The following A4GNT variants were observed in gnomAD, a reference collection of about 807,000 sequenced individuals.
A4GNT encodes the protein alpha-1,4-N-acetylglucosaminyltransferase.
A4GNT carries 6 observed loss-of-function variants against 8.3 expected under a neutral mutation model. The ratio of observed to expected loss-of-function variants is 0.72; its 90% CI spans 0.39 to 1.42. The LOEUF (loss-of-function observed/expected upper bound fraction) is 1.42, where lower values mean the gene tolerates loss of function less well. Ranked by LOEUF, A4GNT falls within the 40% of genes most tolerant of loss-of-function variation. The pLI is 0.02. For synonymous variants in A4GNT, 157 were observed against 159.8 expected, an observed-to-expected ratio of 0.98 and a Z score of 0.13; for missense variants, 377 against 417.0, an observed-to-expected ratio of 0.90 and a Z score of 0.84.
At chr3:138,132,922 G>T (rs953235466), upstream of A4GNT, among the ~76,000 whole-genome samples, 1 of 152,302 alleles carries the variant, frequency 6.6e-6, no homozygotes, top group Middle Eastern at 3.4e-3. Context: ...CCCCCTTATG[G>T]GGTATAAGCC....
intron 2 of A4GNT, among the ~76,000 whole-genome samples, chr3:138,129,488 G>C (rs1262489817): frequency 1.3e-5 from 2 of 152,184 alleles, no homozygotes; most frequent in Non-Finnish European, 2.9e-5. Flanking sequence ...AACTCAGGAG[G>C]AAATGCAGCC....
rs1157513275 is a variant in A4GNT, at chr3:138,132,263, A to G, written c.-78T>C. On this transcript the variant is annotated 5_prime_UTR_variant, in exon 1 of 3. Coordinates refer to ENST00000236709, the MANE Select transcript of A4GNT (RefSeq NM_016161.3). ...TTAGCTCTAACCAAGGAGAACACAG[A>G]TCTCACGTCTTGGCAGGTCTATCTT... The G allele has an allele frequency of 1.3e-5, 2 of 152,240 alleles. No individual in the cohort carries two copies. The highest frequency in any genetic ancestry group is 6.5e-5 in the Admixed American group (1 of 15,286). 9.4% of individuals were successfully genotyped at this position (152,240 alleles called of 1,614,324 possible).
intron 2 of A4GNT, among the ~76,000 whole-genome samples, chr3:138,127,873 A>G (rs1210181067): frequency 6.6e-6 from 1 of 152,208 alleles, no homozygotes; most frequent in Non-Finnish European, 1.5e-5. Context: ...TATGATCCCT[A>G]TAGATGTACA....
intron 2 of A4GNT, among the ~76,000 whole-genome samples, chr3:138,126,736 G>A (rs2042746734): frequency 6.6e-6 from 1 of 150,942 alleles, no homozygotes; most frequent in South Asian, 2.1e-4. Context: ...TGAGACAGGA[G>A]AATCATTTGA....
chr3:138,127,202 A>G (rs1399703462), intron 2 of A4GNT, among the ~76,000 whole-genome samples: 3 of 152,022 alleles, frequency 2.0e-5, no homozygotes, highest in African/African-American at 7.3e-5. Flanking sequence ...ACATTTATCA[A>G]TAATTGTTCT....
At chr3:138,128,548 C>G (rs1386482038) in intron 2 of A4GNT, among the ~76,000 whole-genome samples, 1 of 152,098 alleles carries the variant, frequency 6.6e-6, no homozygotes, top group Non-Finnish European at 1.5e-5. Context: ...GAGGACAGCA[C>G]CAAGTCGTGA....
chr3:138,130,419 C>T (rs73867016), intron 2 of A4GNT, among the ~76,000 whole-genome samples: 1,523 of 152,172 alleles, frequency 0.01, 26 homozygotes, highest in African/African-American at 0.034. Context: ...ACAACCCAAT[C>T]TCATATCGCA....
intron 2 of A4GNT, among the ~76,000 whole-genome samples, chr3:138,125,341 T>C (rs1016663803): frequency 9.2e-5 from 14 of 152,182 alleles, no homozygotes; most frequent in Middle Eastern, 3.4e-3. Context: ...GATAAAAAAA[T>C]CTTAAAATGC....
chr3:138,129,587 G>A (rs902854362), intron 2 of A4GNT, among the ~76,000 whole-genome samples: 1 of 152,148 alleles, frequency 6.6e-6, no homozygotes, highest in African/African-American at 2.4e-5. Flanking sequence ...GTTGTTTTAT[G>A]CCACCAGGTT....
In A4GNT at chr3:138,132,202, G is replaced by T. The variant is rs2042782353; in HGVS notation, c.-27+10C>A. ...CACCTGCCACCAAAGTCCAGGCTCT[G>T]AACCGTTACCTGCAGTGCTTTCCTC... On this transcript the variant is annotated intron_variant, in intron 1 of 2. Coordinates refer to ENST00000236709, the MANE Select transcript of A4GNT (RefSeq NM_016161.3). The T allele has an allele frequency of 6.6e-6, 1 of 152,188 alleles. No homozygotes were observed. Among genetic ancestry groups the T allele is most frequent in the Non-Finnish European group, 1.5e-5 (1 of 68,040 alleles). The allele number at this position is 152,188 out of a possible 1,614,324, so 9.4% of individuals were successfully genotyped here.
At chr3:138,126,092 G>A (rs2042743380) in intron 2 of A4GNT, among the ~76,000 whole-genome samples, 1 of 152,162 alleles carries the variant, frequency 6.6e-6, no homozygotes, top group African/African-American at 2.4e-5. Context: ...AGATGGCAAG[G>A]GCAGAAGCAA....
At position 138,124,735 on chromosome 3, in the gene A4GNT, C is replaced by T. The variant is rs148195589; in HGVS notation, c.552G>A (p.Ala184=). ...RPIPEENFLA[A]QASRYSSNGI... ...CATTACTAGAGTACCGAGAAGCCTGCGCAGCCAAAAAGTTCTCCTCAGGGA... is the reference window on the plus strand; with the variant it reads ...CATTACTAGAGTACCGAGAAGCCTGTGCAGCCAAAAAGTTCTCCTCAGGGA... Residue 184 remains alanine, a synonymous_variant, in exon 3 of 3, where the codon GCG becomes GCA. Coordinates refer to ENST00000236709, the MANE Select transcript of A4GNT (RefSeq NM_016161.3). 17 of 1,614,168 alleles carry T rather than the reference C, an allele frequency of 1.1e-5. No homozygotes were observed. Among genetic ancestry groups the T allele is most frequent in the Admixed American group, 3.3e-5 (2 of 60,028 alleles).
At position 138,124,534 on chromosome 3, in the gene A4GNT, G is replaced by A. The variant is rs1045110452; in HGVS notation, c.753C>T (p.Asn251=). The A allele has an allele frequency of 1.2e-5, 20 of 1,614,120 alleles. No individual in the cohort carries two copies. The highest frequency in any genetic ancestry group is 1.7e-5 in the Non-Finnish European group (20 of 1,180,054). The change falls in exon 3 of 3, where the codon AAC becomes AAT. Residue 251 remains asparagine, a synonymous_variant. Transcript: ENST00000236709. ...FQEVSDLRCL[N]ISFLHPQRFY... is the part of the protein sequence containing the mutation. ...ATCTTTGGGGGTGTAAGAAGGATAT[G>A]TTCAGACACCTGAGGTCGCTCACCT...
At chr3:138,132,516 A>T (rs536829203), upstream of A4GNT, 1 of 152,268 alleles carries the variant, frequency 6.6e-6, no homozygotes, top group South Asian at 2.1e-4. Context: ...TCCTCCCTTT[A>T]CTAAGTTCTC....
chr3:138,131,073 C>G lies in A4GNT; in HGVS notation c.184G>C (p.Glu62Gln), dbSNP rs548352375. 1 of 1,613,702 alleles carries G rather than the reference C, an allele frequency of 6.2e-7. No homozygotes were observed. Among genetic ancestry groups the G allele is most frequent in the South Asian group, 1.1e-5 (1 of 91,062 alleles). Residue 62 changes from glutamate (E) to glutamine (Q), a missense_variant, in exon 2 of 3, where the codon GAG (glutamate) becomes CAG (glutamine). Physicochemically the swap from Glu to Gln is conservative, Grantham distance 29. Coordinates refer to ENST00000236709, the MANE Select transcript of A4GNT (RefSeq NM_016161.3). Reference protein sequence around the residue: ...IVFLETSERMEPPHLVSCSVE... With the variant: ...IVFLETSERMQPPHLVSCSVE... ...GAACAGGAGACCAAATGGGGTGGCT[C>G]CATTCTCTCTGAGGTCTCTAGAAAC... is the stretch of plus-strand genomic sequence containing the variant.
In A4GNT at chr3:138,131,044, T is replaced by C. The variant is rs114206217; in HGVS notation, c.213A>G (p.Val71=). 1.2e-6 allele frequency: 2 copies of C among 1,614,116 alleles called. No individual in the cohort carries two copies. Among genetic ancestry groups the C allele is most frequent in the Admixed American group, 3.3e-5 (2 of 60,020 alleles). The change falls in exon 2 of 3, where the codon GTA becomes GTG. Residue 71 remains valine, a synonymous_variant. Transcript: ENST00000236709. ...CAGGATAAATCTTGGCAGCAGACTCTACGGAACAGGAGACCAAATGGGGTG... is the reference window on the plus strand; with the variant it reads ...CAGGATAAATCTTGGCAGCAGACTCCACGGAACAGGAGACCAAATGGGGTG... ...MEPPHLVSCS[V]ESAAKIYPEW... is the part of the protein sequence containing the mutation.
intron 2 of A4GNT, among the ~76,000 whole-genome samples, chr3:138,126,474 C>T (rs987965800): frequency 2.4e-5 from 3 of 124,852 alleles, no homozygotes; most frequent in Non-Finnish European, 3.7e-5. Context: ...ATTCTGCTAT[C>T]GAGTCAAATG....
rs868624165 is a variant in A4GNT, at chr3:138,124,451, G to C, written c.836C>G (p.Pro279Arg). 1 of 1,614,204 alleles carries C rather than the reference G, an allele frequency of 6.2e-7. No homozygotes were observed. The highest frequency in any genetic ancestry group is 8.5e-7 in the Non-Finnish European group (1 of 1,180,052). Residue 279 changes from proline to arginine, a missense_variant, in exon 3 of 3, where the codon CCA becomes CGA. By Grantham distance (103) the Pro-to-Arg change is moderately radical. Transcript: ENST00000236709. ...CAGGGCATAAGAGACATTGAAGCTT[G>C]GCTCTGTATCCCACACTTCATAGTA... ...RRYYEVWDTE[P>R]SFNVSYALHL...
rs771025283 is a variant in A4GNT at position 138,124,394 on chromosome 3, C to T, written c.893G>A (p.Arg298Gln). 57 of 1,614,104 alleles carry T rather than the reference C, an allele frequency of 3.5e-5. No homozygotes were observed. Among genetic ancestry groups the T allele is most frequent in the South Asian group, 1.3e-4 (12 of 91,090 alleles). Reference sequence around the variant, plus strand: ...TGTGTTGCTTCCTCTAATCACAGCCCGCCCCTCCTGGTTCATGTGGTTCCA... The same window carrying T: ...TGTGTTGCTTCCTCTAATCACAGCCTGCCCCTCCTGGTTCATGTGGTTCCA... ...HLWNHMNQEGRAVIRGSNTLV... is the reference protein window; with the variant it reads ...HLWNHMNQEGQAVIRGSNTLV... Residue 298 changes from arginine (R) to glutamine (Q), a missense_variant, in exon 3 of 3, where the codon CGG (arginine) becomes CAG (glutamine). Physicochemically the swap from Arg to Gln is conservative, Grantham distance 43. Coordinates refer to ENST00000236709, the MANE Select transcript of A4GNT (RefSeq NM_016161.3).
Sources: gnomAD v4.1 joint callset for allele counts (sites outside exome capture counted in the v4.1 genomes callset) on GRCh38, gnomAD v4.1.1 for gene constraint, MANE v1.5 for transcripts, NCBI Gene and HGNC (gene_info 2026-07-23, HGNC 2026-07-21) for gene names.